Variants in MZF1 observed in about 807,000 individuals in gnomAD.
The protein encoded by MZF1 is myeloid zinc finger 1, also known as zinc finger and SCAN domain-containing protein 6.
MZF1 carries 24 observed loss-of-function variants against 28.6 expected under a neutral mutation model. The ratio of observed to expected loss-of-function variants is 0.84; its 90% CI spans 0.61 to 1.18. The LOEUF (loss-of-function observed/expected upper bound fraction) is 1.18, where lower values mean the gene tolerates loss of function less well. MZF1 is among the 50% of genes most tolerant of loss of function. MZF1 has a pLI of 0.00. For synonymous variants in MZF1, 516 were observed against 432.5 expected, an observed-to-expected ratio of 1.19 and a Z score of -2.40; for missense variants, 1,166 against 1,026.4, an observed-to-expected ratio of 1.14 and a Z score of -1.86.
rs186494499 is a variant in MZF1 at position 58,573,086 on chromosome 19, G to C, written c.-72C>G. On this transcript the variant is annotated 5_prime_UTR_variant, in exon 1 of 6. Transcript: ENST00000215057. ...GCTCAGCGGGCCGCTCCGCGCTCCT[G>C]AGCACGCGCAGTCTTCGACTTCCCC... The C allele has an allele frequency of 6.5e-6, 1 of 154,836 alleles. No individual in the cohort carries two copies. Among genetic ancestry groups the C allele is most frequent in the African/African-American group, 2.4e-5 (1 of 41,398 alleles). The allele number at this position is 154,836 out of a possible 1,614,324, so 9.6% of individuals were successfully genotyped here. A position where few individuals can be genotyped will look rare whatever the true frequency, so the allele number is the denominator to read the frequency against.
At position 58,573,295 on chromosome 19, in the gene MZF1, A is replaced by G. The variant is rs1378120257; in HGVS notation, c.-281T>C. On this transcript the variant is annotated 5_prime_UTR_variant, in exon 1 of 6. It removes an upstream start codon present in the reference 5' UTR. Transcript: ENST00000215057. ...CCCCGCCTCGAATCCGTGCGTCGGC[A>G]TGCGCAAGCCTCTCAGGTACAACAG... The G allele has an allele frequency of 6.6e-6, 1 of 152,574 alleles. No individual in the cohort carries two copies. The highest frequency in any genetic ancestry group is 6.6e-5 in the Admixed American group (1 of 15,262). 9.5% of individuals were successfully genotyped at this position (152,574 alleles called of 1,614,324 possible).
upstream of MZF1, chr19:58,573,359 C>G (rs1021150809): frequency 6.6e-6 from 1 of 152,534 alleles, no homozygotes; most frequent in African/African-American, 2.4e-5. Flanking sequence ...TGCCCCCCAC[C>G]ACGTTTTCCT....
intron 5 of MZF1, among the ~76,000 whole-genome samples, chr19:58,566,089 C>T (rs1361626752): frequency 6.8e-6 from 1 of 147,938 alleles, no homozygotes; most frequent in African/African-American, 2.5e-5. Context: ...TGCAGTGAGT[C>T]GAGATTGTGC....
chr19:58,562,889 C>T lies in MZF1; in HGVS notation c.1388G>A (p.Gly463Asp), dbSNP rs1267509112. 6.5e-7 allele frequency: 1 copy of T among 1,541,520 alleles called. No individual in the cohort carries two copies. The highest frequency in any genetic ancestry group is 8.7e-7 in the Non-Finnish European group (1 of 1,150,258). ...SNLLQHQRIH[G>D]DPPGPGAKPP... ...CTTAGCGCCAGGGCCCGGGGGATCG[C>T]CGTGGATGCGCTGGTGCTGCAGCAG... The change falls in exon 6 of 6, where the codon GGC (glycine) becomes GAC (aspartate). Residue 463 changes from glycine to aspartate, a missense_variant. Gly to Asp is a moderately conservative substitution (Grantham distance 94). Coordinates refer to ENST00000215057, the MANE Select transcript of MZF1 (RefSeq NM_198055.2).
At chr19:58,572,508 T>A in intron 1 of MZF1, 1 of 1,265,282 alleles carries the variant, frequency 7.9e-7, no homozygotes, top group Non-Finnish European at 1.0e-6. Flanking sequence ...CAGATCACTG[T>A]GCCTTCGAGA....
rs768529502 is a variant in MZF1, at chr19:58,572,556, C to T, written c.-41+499G>A. On this transcript the variant is annotated intron_variant, in intron 1 of 5. Transcript: ENST00000215057. ...ATTTGCAAGTGGGGCTGACCTCCCTCCTCGCGCTGTTCCTTCTGCAGCTGC... is the reference window on the plus strand; with the variant it reads ...ATTTGCAAGTGGGGCTGACCTCCCTTCTCGCGCTGTTCCTTCTGCAGCTGC... The T allele has an allele frequency of 9.3e-6, 12 of 1,289,666 alleles. No homozygotes were observed. In the South Asian group the frequency reaches 9.9e-5, roughly 11 times the overall value. 79.9% of individuals were successfully genotyped at this position (1,289,666 alleles called of 1,614,324 possible).
At position 58,573,309 on chromosome 19, in the gene MZF1, C is replaced by G. The variant is rs1369772226; in HGVS notation, c.-295G>C. 6.5e-6 allele frequency: 1 copy of G among 152,728 alleles called. No individual in the cohort carries two copies. The highest frequency in any genetic ancestry group is 1.5e-5 in the Non-Finnish European group (1 of 68,150). 9.5% of individuals were successfully genotyped at this position (152,728 alleles called of 1,614,324 possible). ...CGTGCGTCGGCATGCGCAAGCCTCT[C>G]AGGTACAACAGACGGCAGCACCGCC... On this transcript the variant is annotated 5_prime_UTR_variant, in exon 1 of 6. Coordinates refer to ENST00000215057, the MANE Select transcript of MZF1 (RefSeq NM_198055.2).
At chr19:58,566,140 CAA>C (rs549151670) in intron 5 of MZF1, among the ~76,000 whole-genome samples, 5 of 110,824 alleles carry the variant, frequency 4.5e-5, no homozygotes, top group Admixed American at 9.3e-5. Context: ...GACTCCGTCT[CAA>C]AAAAAAAAAA....
chr19:58,563,730 C>T, intron 5 of MZF1: 1 of 464,480 alleles, frequency 2.2e-6, no homozygotes, highest in East Asian at 3.4e-5. Flanking sequence ...TGTGAAAAAG[C>T]TTTCTAGGTC....
At chr19:58,567,114 C>A (rs960514125) in intron 5 of MZF1, among the ~76,000 whole-genome samples, 2 of 152,120 alleles carry the variant, frequency 1.3e-5, no homozygotes, top group Non-Finnish European at 2.9e-5. Context: ...TGCCATGTTG[C>A]CCAGGATGGT....
chr19:58,570,921 G>A (rs1011018429), intron 2 of MZF1, 73 bp downstream of exon 2: 11 of 1,470,674 alleles, frequency 7.5e-6, no homozygotes, highest in African/African-American at 4.2e-5. Context: ...CTGGCAAAGC[G>A]TGGTGCTGCC....
At chr19:58,570,942 C>A in intron 2 of MZF1, 52 bp downstream of exon 2, 3 of 1,539,356 alleles carry the variant, frequency 1.9e-6, no homozygotes, top group Non-Finnish European at 2.6e-6. Flanking sequence ...CAGGGTGAGG[C>A]CGAGCTGGAT....
At chr19:58,572,081 T>G in intron 1 of MZF1, 1 of 160,958 alleles carries the variant, frequency 6.2e-6, no homozygotes, top group South Asian at 1.4e-4. Flanking sequence ...CTTTACCAGG[T>G]GGATGGCACC....
intron 5 of MZF1, among the ~76,000 whole-genome samples, chr19:58,565,859 G>A (rs759074333): frequency 5.4e-5 from 8 of 149,238 alleles, no homozygotes; most frequent in Non-Finnish European, 1.0e-4. Flanking sequence ...AGAGGAATGG[G>A]GCTGGGCACG....
chr19:58,562,067 T>C lies in MZF1; in HGVS notation c.*5A>G, dbSNP rs2053934731. ...CATGGCGGACACAGTGCGTCCCGGCTGGAGCTACTCGGCGCTGTGGACGCG... is the reference window on the plus strand; with the variant it reads ...CATGGCGGACACAGTGCGTCCCGGCCGGAGCTACTCGGCGCTGTGGACGCG... On this transcript the variant is annotated 3_prime_UTR_variant, in exon 6 of 6. Coordinates refer to ENST00000215057, the MANE Select transcript of MZF1 (RefSeq NM_198055.2). The C allele has an allele frequency of 6.4e-7, 1 of 1,554,058 alleles. No homozygotes were observed. The highest frequency in any genetic ancestry group is 8.7e-7 in the Non-Finnish European group (1 of 1,150,728).
At chr19:58,566,191 G>T (rs537624260) in intron 5 of MZF1, among the ~76,000 whole-genome samples, 13 of 150,432 alleles carry the variant, frequency 8.6e-5, no homozygotes, top group Non-Finnish European at 1.9e-4. Flanking sequence ...TCACGCCTGT[G>T]ATCCCGGCAC....
chr19:58,573,526 C>G (rs921886065), upstream of MZF1: 15 of 152,440 alleles, frequency 9.8e-5, no homozygotes, highest in African/African-American at 3.6e-4. Flanking sequence ...AGGCTTGGCC[C>G]GATGCTTTCC....
intron 5 of MZF1, 73 bp downstream of exon 5, chr19:58,569,204 C>T: frequency 1.3e-6 from 2 of 1,496,254 alleles, no homozygotes; most frequent in Non-Finnish European, 1.8e-6. Context: ...CTGCGTAGGG[C>T]CAGGAGTGGG....
chr19:58,562,342 G>T lies in MZF1; in HGVS notation c.1935C>A (p.Arg645=). The T allele has an allele frequency of 6.2e-7, 1 of 1,609,880 alleles. No individual in the cohort carries two copies. The highest frequency in any genetic ancestry group is 8.5e-7 in the Non-Finnish European group (1 of 1,178,790). Residue 645 remains arginine (R), a synonymous_variant, in exon 6 of 6, where the codon CGC becomes CGA. Transcript: ENST00000215057. ...CGAAGGGCCGTTCGCCCGTGTGGAT[G>T]CGCTGGTGCTCGGTGAGCCGCGAGA... ...TQVSRLTEHQ[R]IHTGERPFAC... is the part of the protein sequence containing the mutation.
Sources: allele counts gnomAD v4.1 joint callset (sites outside exome capture counted in the v4.1 genomes callset), GRCh38; gene constraint gnomAD v4.1.1; transcripts MANE v1.5; gene names NCBI Gene and HGNC (gene_info 2026-07-23, HGNC 2026-07-21).